Variants in OR51M1 observed in about 807,000 individuals in gnomAD.
OR51M1 encodes olfactory receptor 51M1.
For synonymous variants in OR51M1, 199 were observed against 155.1 expected, an observed-to-expected ratio of 1.28 and a Z score of -2.10; for missense variants, 509 against 404.4, an observed-to-expected ratio of 1.26 and a Z score of -2.22.
In OR51M1 at chr11:5,390,372, G is replaced by T. The variant is rs770578056; in HGVS notation, c.974G>T (p.Ser325Ile). The change falls in exon 3 of 3, where the codon AGT becomes ATT. Residue 325 changes from serine (S) to isoleucine (I), a missense_variant. By Grantham distance (142) the Ser-to-Ile change is moderately radical. Transcript: ENST00000642046. The stretch of plus-strand genomic sequence containing the variant: ...AAGTTCCTAGGTCTTAAAAAGGCCA[G>T]TAAATGAGTCCTGGGGCTAAAACTC... ...IIKFLGLKKA[S>I]K 7 of 1,593,390 alleles carry T rather than the reference G, an allele frequency of 4.4e-6. No individual in the cohort carries two copies. The South Asian group carries it at 7.9e-5, about 18-fold the overall frequency.
chr11:5,390,280 T>G lies in OR51M1; in HGVS notation c.882T>G (p.Phe294Leu). The change falls in exon 3 of 3, where the codon TTT becomes TTG. Residue 294 changes from phenylalanine (F) to leucine (L), a missense_variant. Physicochemically the swap from Phe to Leu is conservative, Grantham distance 22 (BLOSUM62 0). Coordinates refer to ENST00000642046, the MANE Select transcript of OR51M1 (RefSeq NM_001004756.3). ...IHLLMANVYL[F>L]VPPMLNPIIY... Reference sequence around the variant, plus strand: ...TTCTTATGGCCAATGTCTACCTTTTTGTGCCTCCCATGCTTAACCCAATCA... The same window carrying G: ...TTCTTATGGCCAATGTCTACCTTTTGGTGCCTCCCATGCTTAACCCAATCA... 6.2e-7 allele frequency: 1 copy of G among 1,614,062 alleles called. No individual in the cohort carries two copies. Among genetic ancestry groups the G allele is most frequent in the East Asian group, 2.2e-5 (1 of 44,880 alleles).
chr11:5,385,084 T>C (rs11604520), intron 1 of OR51M1, among the ~76,000 whole-genome samples: 19,357 of 152,262 alleles, frequency 0.13, 1,351 homozygotes, highest in Non-Finnish European at 0.16. Flanking sequence ...TTACTCATTG[T>C]ATACTGAAAA....
chr11:5,385,729 TCTA>T (rs72038332), intron 2 of OR51M1, among the ~76,000 whole-genome samples: 18,934 of 149,704 alleles, frequency 0.13, 1,302 homozygotes, highest in Non-Finnish European at 0.16. Context: ...TGTACAAATA[TCTA>T]ATATTTTTGT....
intron 2 of OR51M1, among the ~76,000 whole-genome samples, chr11:5,389,068 G>A (rs1441504373): frequency 6.6e-6 from 1 of 152,130 alleles, no homozygotes; most frequent in East Asian, 1.9e-4. Context: ...TGAAATCATG[G>A]TAGTGGATGA....
At chr11:5,387,265 C>T (rs1368575767) in intron 2 of OR51M1, among the ~76,000 whole-genome samples, 1 of 151,990 alleles carries the variant, frequency 6.6e-6, no homozygotes, top group Non-Finnish European at 1.5e-5. Context: ...ATGGCCAGAG[C>T]ACACAACTAT....
In OR51M1 at chr11:5,391,059, C is replaced by A. The variant is rs2340322; in HGVS notation, c.*680C>A. On this transcript the variant is annotated 3_prime_UTR_variant, in exon 3 of 3. Transcript: ENST00000642046. ...CAACCTCAAGTCTGACATTAAGCTACAGTCAGTATTTACTTGTAGGTGTTT... is the reference window on the plus strand; with the variant it reads ...CAACCTCAAGTCTGACATTAAGCTAAAGTCAGTATTTACTTGTAGGTGTTT... 119,822 of 151,956 alleles carry A rather than the reference C, an allele frequency of 0.79. 47,618 individuals are homozygous for A. The highest frequency in any genetic ancestry group is 0.84 in the Middle Eastern group (244 of 292). The allele number at this position is 151,956 out of a possible 1,614,324, so 9.4% of individuals were successfully genotyped here.
At position 5,390,174 on chromosome 11, in the gene OR51M1, C is replaced by G; in HGVS notation, c.776C>G (p.Ala259Gly). The change falls in exon 3 of 3, where the codon GCT becomes GGT. Residue 259 changes from alanine (A) to glycine (G), a missense_variant. By Grantham distance (60) the Ala-to-Gly change is moderately conservative. Coordinates refer to ENST00000642046, the MANE Select transcript of OR51M1 (RefSeq NM_001004756.3). ...CAGACATGCACCGCTCCTCTCTGTGCTGTGCTAGTATTCTTTGTGCCCATG... is the reference window on the plus strand; with the variant it reads ...CAGACATGCACCGCTCCTCTCTGTGGTGTGCTAGTATTCTTTGTGCCCATG... ...AFQTCTAPLC[A>G]VLVFFVPMMG... 1 of 1,613,966 alleles carries G rather than the reference C, an allele frequency of 6.2e-7. No individual in the cohort carries two copies. Among genetic ancestry groups the G allele is most frequent in the South Asian group, 1.1e-5 (1 of 91,084 alleles).
chr11:5,384,018 G>C (rs1002493826), intron 1 of OR51M1, 101 bp downstream of exon 1: 2 of 152,282 alleles, frequency 1.3e-5, no homozygotes, highest in Non-Finnish European at 2.9e-5. Flanking sequence ...GAATGCATAG[G>C]TATCACAAAA....
chr11:5,385,557 C>T (rs1849675868), intron 2 of OR51M1, 99 bp downstream of exon 2: 1 of 151,966 alleles, frequency 6.6e-6, no homozygotes, highest in Admixed American at 6.6e-5. Context: ...CTCCAGGGGC[C>T]TTTAGAGAAT....
intron 1 of OR51M1, among the ~76,000 whole-genome samples, chr11:5,384,781 A>G (rs1849660043): frequency 6.6e-6 from 1 of 152,196 alleles, no homozygotes; most frequent in Non-Finnish European, 1.5e-5. Context: ...TTTAATCCAA[A>G]CAACACCTTG....
intron 2 of OR51M1, among the ~76,000 whole-genome samples, chr11:5,385,868 TTA>T (rs1194709968): frequency 9.3e-6 from 1 of 107,642 alleles, no homozygotes; most frequent in Non-Finnish European, 2.0e-5. Flanking sequence ...TATAAAGTAT[TTA>T]TGAGTAAATC....
Position 5,389,311 on chromosome 11 carries a change from G to A in OR51M1, c.-15-73G>A, listed in dbSNP as rs117048081. On this transcript the variant is annotated intron_variant, in intron 2 of 2. Transcript: ENST00000642046. The stretch of plus-strand genomic sequence containing the variant: ...TAATACTAAAGGTGATGATGACCAT[G>A]GTACTGCTTGTGATGTTGTGAATGT... The A allele has an allele frequency of 7.9e-4, 986 of 1,251,242 alleles. 3 individuals carry two copies. The highest frequency in any genetic ancestry group is 5.0e-3 in the Middle Eastern group (26 of 5,194). The allele number at this position is 1,251,242 out of a possible 1,614,324, so 77.5% of individuals were successfully genotyped here. A position where few individuals can be genotyped will look rare whatever the true frequency, so the allele number is the denominator to read the frequency against.
At chr11:5,385,730 C>A (rs535205383) in intron 2 of OR51M1, among the ~76,000 whole-genome samples, 8,034 of 115,592 alleles carry the variant, frequency 0.07, 670 homozygotes, top group African/African-American at 0.21. Flanking sequence ...GTACAAATAT[C>A]TAATATTTTT....
At chr11:5,387,690 C>T (rs997283925) in intron 2 of OR51M1, among the ~76,000 whole-genome samples, 1 of 151,148 alleles carries the variant, frequency 6.6e-6, no homozygotes. Flanking sequence ...TCAAGCTGCT[C>T]TCTGCTTCAG....
At chr11:5,388,390 T>G (rs1454664694) in intron 2 of OR51M1, among the ~76,000 whole-genome samples, 1 of 151,372 alleles carries the variant, frequency 6.6e-6, no homozygotes, top group African/African-American at 2.4e-5. Context: ...CAAACTAAAC[T>G]TGGGGAATTT....
chr11:5,390,304 C>A lies in OR51M1; in HGVS notation c.906C>A (p.Ile302=). The A allele has an allele frequency of 6.2e-7, 1 of 1,613,678 alleles. No individual in the cohort carries two copies. Among genetic ancestry groups the A allele is most frequent in the Non-Finnish European group, 8.5e-7 (1 of 1,179,698 alleles). The stretch of plus-strand genomic sequence containing the variant: ...TTGTGCCTCCCATGCTTAACCCAAT[C>A]ATATACAGCATTAAGACCAAGGAGA... ...YLFVPPMLNP[I]IYSIKTKEIH... The change falls in exon 3 of 3, where the codon ATC becomes ATA. Residue 302 remains isoleucine, a synonymous_variant. Coordinates refer to ENST00000642046, the MANE Select transcript of OR51M1 (RefSeq NM_001004756.3).
chr11:5,387,437 T>G (rs905478497), intron 2 of OR51M1, among the ~76,000 whole-genome samples: 13 of 152,134 alleles, frequency 8.5e-5, no homozygotes, highest in African/African-American at 2.9e-4. Context: ...AGTAAAGAAA[T>G]GGAAAAGATA....
intron 2 of OR51M1, among the ~76,000 whole-genome samples, chr11:5,387,048 T>A (rs1349030138): frequency 6.6e-6 from 1 of 152,142 alleles, no homozygotes; most frequent in Non-Finnish European, 1.5e-5. Context: ...TAGAGATTAA[T>A]GTCTAAGAGC....
At position 5,389,694 on chromosome 11, in the gene OR51M1, T is replaced by C. The variant is rs1219984953; in HGVS notation, c.296T>C (p.Phe99Ser). Residue 99 changes from phenylalanine to serine, a missense_variant, in exon 3 of 3, where the codon TTT becomes TCT. Transcript: ENST00000642046. ...TLPTTMGIFW[F>S]NSHSIYFGAC... The stretch of plus-strand genomic sequence containing the variant: ...CCCACCACTATGGGGATCTTCTGGT[T>C]TAACTCCCATAGTATCTACTTTGGA... The C allele has an allele frequency of 6.2e-7, 1 of 1,613,724 alleles. No homozygotes were observed. Among genetic ancestry groups the C allele is most frequent in the Admixed American group, 1.7e-5 (1 of 60,020 alleles).
Sources: gnomAD v4.1 joint callset for allele counts (sites outside exome capture counted in the v4.1 genomes callset) on GRCh38, gnomAD v4.1.1 for gene constraint, MANE v1.5 for transcripts, NCBI Gene and HGNC (gene_info 2026-07-23, HGNC 2026-07-21) for gene names.